Variants in TCF7 observed in about 807,000 individuals in gnomAD.
TCF7 encodes the protein T-cell-factor-7.
In TCF7, 19 loss-of-function variants were observed where a neutral mutation model predicts 46.8. The ratio of observed to expected loss-of-function variants is 0.41; its 90% CI spans 0.28 to 0.60. TCF7 has a LOEUF of 0.60. TCF7 is among the 20% of genes least tolerant of loss of function. The pLI is 0.35. For missense variants in TCF7, 547 were observed against 504.6 expected, an observed-to-expected ratio of 1.08 and a Z score of -0.81; for synonymous variants, 245 against 213.4, an observed-to-expected ratio of 1.15 and a Z score of -1.29.
At chr5:134,115,188 C>T (rs1407846052) in intron 1 of TCF7, 33 bp downstream of exon 1, 1 of 1,077,902 alleles carries the variant, frequency 9.3e-7, no homozygotes, top group Non-Finnish European at 1.1e-6. Flanking sequence ...TCCTCCCCCG[C>T]GGTCGCCGCG....
chr5:134,144,931 G>A, intron 9 of TCF7: 1 of 1,446,562 alleles, frequency 6.9e-7, no homozygotes, highest in Admixed American at 1.7e-5. Flanking sequence ...CTCTGCACAT[G>A]TTCCACTGGG....
intron 3 of TCF7, among the ~76,000 whole-genome samples, chr5:134,131,709 C>T (rs34538271): frequency 1.3e-5 from 2 of 152,240 alleles, no homozygotes; most frequent in South Asian, 4.1e-4. Flanking sequence ...TCCAGGACCC[C>T]CAGGCCAACC....
At chr5:134,145,047 A>C (rs899568949) in intron 9 of TCF7, 57 of 650,860 alleles carry the variant, frequency 8.8e-5, no homozygotes, top group East Asian at 4.7e-4. Flanking sequence ...CGCGTGGAGA[A>C]GACCACTTGG....
intron 1 of TCF7, 54 bp downstream of exon 1, chr5:134,115,209 C>A (rs1204063812): frequency 2.6e-6 from 3 of 1,162,512 alleles, no homozygotes; most frequent in Non-Finnish European, 2.1e-6. Flanking sequence ...CCGCGCCGCC[C>A]CAGTTGCGCG....
At position 134,114,854 on chromosome 5, in the gene TCF7, C is replaced by T. The variant is rs1225744987; in HGVS notation, c.-53C>T. 2.0e-6 allele frequency: 2 copies of T among 982,600 alleles called. No homozygotes were observed. The highest frequency in any genetic ancestry group is 1.8e-5 in the African/African-American group (1 of 56,670). The allele number at this position is 982,600 out of a possible 1,614,324, so 60.9% of individuals were successfully genotyped here. A position where few individuals can be genotyped will look rare whatever the true frequency, so the allele number is the denominator to read the frequency against. The stretch of plus-strand genomic sequence containing the variant: ...CTCGCCGCCCCCCGGGCCGGCTCCG[C>T]GCCCCGCACTCCCGGCGCCCAGCGC... On this transcript the variant is annotated 5_prime_UTR_variant, in exon 1 of 10. Coordinates refer to ENST00000342854, the MANE Select transcript of TCF7 (RefSeq NM_003202.5).
At position 134,124,286 on chromosome 5, in the gene TCF7, G is replaced by A. The variant is rs190644146; in HGVS notation, c.441+8253G>A. On this transcript the variant is annotated intron_variant, in intron 3 of 9. Transcript: ENST00000342854. ...CTGTCATGCTTGGGGTCTGGACCTGGGAAACCGCCTTCCTCCCTTAAAAAT... is the reference window on the plus strand; with the variant it reads ...CTGTCATGCTTGGGGTCTGGACCTGAGAAACCGCCTTCCTCCCTTAAAAAT... Among the ~76,000 whole-genome samples the A allele has an allele frequency of 2.5e-4, 38 of 152,320 alleles. No homozygotes were observed. In the East Asian group the frequency reaches 6.2e-3, roughly 25 times the overall value.
intron 9 of TCF7, chr5:134,146,005 C>G (rs1407289399): frequency 1.3e-6 from 2 of 1,486,606 alleles, no homozygotes; most frequent in Non-Finnish European, 1.8e-6. Flanking sequence ...TGACAAAAGG[C>G]CCCTTTGCCA....
chr5:134,132,986 G>A (rs778446484), intron 3 of TCF7, among the ~76,000 whole-genome samples: 35 of 152,246 alleles, frequency 2.3e-4, no homozygotes, highest in Non-Finnish European at 2.4e-4. Flanking sequence ...GTGGACTGGA[G>A]TGGTCTGAGG....
Position 134,142,787 on chromosome 5 carries a change from T to C in TCF7, c.822T>C (p.Asn274=), listed in dbSNP as rs747583326. 20 of 1,614,142 alleles carry C rather than the reference T, an allele frequency of 1.2e-5. No individual in the cohort carries two copies. The highest frequency in any genetic ancestry group is 1.7e-5 in the Non-Finnish European group (20 of 1,180,010). ...AKKPTIKKPL[N]AFMLYMKEMR... ...AGCCAACCATCAAGAAGCCCCTCAATGCCTTCATGCTGTACATGAAGGAGA... is the reference window on the plus strand; with the variant it reads ...AGCCAACCATCAAGAAGCCCCTCAACGCCTTCATGCTGTACATGAAGGAGA... Residue 274 remains asparagine (N), a synonymous_variant, in exon 7 of 10, where the codon AAT becomes AAC. Coordinates refer to ENST00000342854, the MANE Select transcript of TCF7 (RefSeq NM_003202.5).
intron 9 of TCF7, 55 bp downstream of exon 9, chr5:134,143,695 A>T: frequency 1.2e-6 from 2 of 1,606,820 alleles, no homozygotes; most frequent in Non-Finnish European, 1.7e-6. Context: ...CCATTTCAAG[A>T]GCAGCCCTCC....
rs145296338 is a variant in TCF7 at position 134,115,828 on chromosome 5, C to T, written c.317-81C>T. 1,180 of 1,593,500 alleles carry T rather than the reference C, an allele frequency of 7.4e-4. 9 individuals are homozygous for T. The African/African-American group carries it at 0.014, about 19-fold the overall frequency. ...ACTTGCAGGGGACCCCTTGGCAATT[C>T]TTTTTCTCTCAAGAGCAGACAGCCT... On this transcript the variant is annotated intron_variant, in intron 2 of 9. Transcript: ENST00000342854.
At chr5:134,139,188 A>ACC in intron 5 of TCF7, 150 bp downstream of exon 5, 1 of 1,272,576 alleles carries the variant, frequency 7.9e-7, no homozygotes, top group Non-Finnish European at 1.1e-6. Flanking sequence ...CTCTGTCCTA[A>ACC]CCTGGCTCTG....
chr5:134,121,310 G>A (rs1005871597), intron 3 of TCF7, among the ~76,000 whole-genome samples: 2 of 151,946 alleles, frequency 1.3e-5, no homozygotes, highest in Admixed American at 6.6e-5. Flanking sequence ...TTGGCTGGGT[G>A]CGGTGGCTCA....
At chr5:134,144,349 G>A (rs1214170318) in intron 9 of TCF7, 1 of 215,452 alleles carries the variant, frequency 4.6e-6, no homozygotes, top group Non-Finnish European at 9.4e-6. Flanking sequence ...ATAAGGTATA[G>A]CCTTCAGCCT....
At chr5:134,129,888 C>T (rs1757872198) in intron 3 of TCF7, among the ~76,000 whole-genome samples, 1 of 152,276 alleles carries the variant, frequency 6.6e-6, no homozygotes. Flanking sequence ...TGGCAACAGC[C>T]TTGTGCCAGC....
At position 134,144,567 on chromosome 5, in the gene TCF7, C is replaced by T. The variant is rs538117636; in HGVS notation, c.1075+927C>T. The T allele has an allele frequency of 3.2e-4, 170 of 537,828 alleles. 3 individuals are homozygous for T. The Admixed American group carries it at 5.4e-3, about 17-fold the overall frequency. The allele number at this position is 537,828 out of a possible 1,614,324, so 33.3% of individuals were successfully genotyped here. A position where few individuals can be genotyped will look rare whatever the true frequency, so the allele number is the denominator to read the frequency against. On this transcript the variant is annotated intron_variant, in intron 9 of 9. Coordinates refer to ENST00000342854, the MANE Select transcript of TCF7 (RefSeq NM_003202.5). ...GACTCCCTCCCTCCCATTCTTCCCACTGCCTCTACTGCGTACCTGGGTGCC... is the reference window on the plus strand; with the variant it reads ...GACTCCCTCCCTCCCATTCTTCCCATTGCCTCTACTGCGTACCTGGGTGCC...
In TCF7 at chr5:134,146,560, C is replaced by T. The variant is rs1760738060; in HGVS notation, c.*257C>T. 1 of 709,608 alleles carries T rather than the reference C, an allele frequency of 1.4e-6. No individual in the cohort carries two copies. The highest frequency in any genetic ancestry group is 2.6e-6 in the Non-Finnish European group (1 of 383,416). The allele number at this position is 709,608 out of a possible 1,614,324, so 44.0% of individuals were successfully genotyped here. ...CCTGGCCGCCTCCAGGAGCCTACCC[C>T]CTGAAAGTGACAGAGACCCAGATCT... On this transcript the variant is annotated 3_prime_UTR_variant, in exon 10 of 10. Transcript: ENST00000342854.
At chr5:134,143,689 T>A in intron 9 of TCF7, 49 bp downstream of exon 9, 2 of 1,609,234 alleles carry the variant, frequency 1.2e-6, no homozygotes, top group Non-Finnish European at 1.7e-6. Flanking sequence ...ATGTCCCCAT[T>A]TCAAGAGCAG....
rs1200628883 is a variant in TCF7 at position 134,146,342 on chromosome 5, T to A, written c.*39T>A. 1 of 1,608,434 alleles carries A rather than the reference T, an allele frequency of 6.2e-7. No individual in the cohort carries two copies. Among genetic ancestry groups the A allele is most frequent in the Admixed American group, 1.7e-5 (1 of 59,988 alleles). Reference sequence around the variant, plus strand: ...CCCAGCTCCCCAGGACTCACCCTCATACCATCTGCTGCCCCGCTTCCCCAC... The same window carrying A: ...CCCAGCTCCCCAGGACTCACCCTCAAACCATCTGCTGCCCCGCTTCCCCAC... On this transcript the variant is annotated 3_prime_UTR_variant, in exon 10 of 10. Transcript: ENST00000342854.
Sources: gnomAD v4.1 joint callset for allele counts (sites outside exome capture counted in the v4.1 genomes callset) on GRCh38, gnomAD v4.1.1 for gene constraint, MANE v1.5 for transcripts, NCBI Gene and HGNC (gene_info 2026-07-23, HGNC 2026-07-21) for gene names.